KLHDC1: variants seen among roughly 807,000 people sequenced by gnomAD.
KLHDC1 encodes kelch domain-containing protein 1.
A neutral mutation model predicts 68.3 loss-of-function variants in KLHDC1; 53 were observed. The observed-to-expected ratio is 0.78, with a 90% CI of 0.62 to 0.98. The LOEUF is 0.98. Among genes scored for constraint, KLHDC1 ranks in the 50% least tolerant of loss-of-function variants. The pLI, the probability that KLHDC1 is intolerant of heterozygous loss-of-function variation, is 0.00. For missense variants in KLHDC1, 470 were observed against 492.3 expected, an observed-to-expected ratio of 0.95 and a Z score of 0.43; for synonymous variants, 148 against 159.0, an observed-to-expected ratio of 0.93 and a Z score of 0.52.
At chr14:49,713,827 TATATATATATATATATATATATA>T (rs1566602853) in intron 4 of KLHDC1, among the ~76,000 whole-genome samples, 61 of 6,166 alleles carry the variant, frequency 9.9e-3, no homozygotes, top group South Asian at 0.014. Context: ...TATATATATA[TATATATATATATATATATATATA>T]TTTTTTTTTT....
chr14:49,738,804 A>G (rs1300030201), intron 10 of KLHDC1, among the ~76,000 whole-genome samples: 1 of 152,182 alleles, frequency 6.6e-6, no homozygotes, highest in Non-Finnish European at 1.5e-5. Context: ...AGGATGCCCT[A>G]ATTTGTAGCA....
intron 4 of KLHDC1, among the ~76,000 whole-genome samples, chr14:49,716,812 C>A (rs999184537): frequency 6.6e-6 from 1 of 152,158 alleles, no homozygotes; most frequent in African/African-American, 2.4e-5. Flanking sequence ...CCAGTACCTA[C>A]TTCCAAACTT....
chr14:49,736,833 T>C (rs771586782), intron 10 of KLHDC1, among the ~76,000 whole-genome samples: 36 of 152,314 alleles, frequency 2.4e-4, no homozygotes, highest in South Asian at 1.9e-3. Flanking sequence ...CAACTAAAAA[T>C]ATCTCCATAT....
chr14:49,726,081 CAAGTT>C (rs1434221880), intron 6 of KLHDC1, among the ~76,000 whole-genome samples: 3 of 152,192 alleles, frequency 2.0e-5, no homozygotes, highest in Non-Finnish European at 4.4e-5. Flanking sequence ...CTCCTGACCT[CAAGTT>C]ATCTACCCAC....
At chr14:49,704,888 C>T (rs1308818734) in intron 1 of KLHDC1, among the ~76,000 whole-genome samples, 4 of 152,098 alleles carry the variant, frequency 2.6e-5, no homozygotes, top group Non-Finnish European at 4.4e-5. Context: ...GTGTGAGGCA[C>T]TGTAGTAGGC....
At chr14:49,736,930 C>G (rs992454502) in intron 10 of KLHDC1, among the ~76,000 whole-genome samples, 1 of 152,210 alleles carries the variant, frequency 6.6e-6, no homozygotes, top group Non-Finnish European at 1.5e-5. Context: ...CTGAGTCTCA[C>G]CTTAGATAAA....
chr14:49,716,244 G>T (rs1483578331), intron 4 of KLHDC1, among the ~76,000 whole-genome samples: 2 of 152,086 alleles, frequency 1.3e-5, no homozygotes, highest in Non-Finnish European at 2.9e-5. Context: ...TGTTTTTCCA[G>T]GTTAATCTAC....
chr14:49,721,512 A>C (rs1011591587), intron 4 of KLHDC1, among the ~76,000 whole-genome samples: 9 of 152,180 alleles, frequency 5.9e-5, no homozygotes, highest in Non-Finnish European at 1.2e-4. Flanking sequence ...AATTATATTT[A>C]TCTTCAGAAA....
chr14:49,734,753 C>T lies in KLHDC1; in HGVS notation c.896+92C>T, dbSNP rs145780892. 82 of 536,400 alleles carry T rather than the reference C, an allele frequency of 1.5e-4. No homozygotes were observed. The African/African-American group carries it at 1.6e-3, about 10-fold the overall frequency. The allele number at this position is 536,400 out of a possible 1,614,324, so 33.2% of individuals were successfully genotyped here. A position where few individuals can be genotyped will look rare whatever the true frequency, so the allele number is the denominator to read the frequency against. On this transcript the variant is annotated intron_variant, in intron 10 of 12. Coordinates refer to ENST00000359332, the MANE Select transcript of KLHDC1 (RefSeq NM_172193.3). ...AATTTATAGTGTTTGCCATTGAAAC[C>T]ATAAGCCATTGAGAAGGATATCTTT...
chr14:49,742,649 G>A (rs1889091531), intron 11 of KLHDC1, among the ~76,000 whole-genome samples: 1 of 149,570 alleles, frequency 6.7e-6, no homozygotes, highest in South Asian at 2.1e-4. Flanking sequence ...CTCTAGCCTG[G>A]GCAACAGAGC....
chr14:49,751,448 G>C (rs920026480), intron 12 of KLHDC1, 138 bp from the exon 13 acceptor site: 15 of 428,712 alleles, frequency 3.5e-5, no homozygotes, highest in Non-Finnish European at 5.6e-5. Flanking sequence ...ACTATGTACT[G>C]ACAAAAATTA....
At chr14:49,741,974 T>G (rs1274187509) in intron 11 of KLHDC1, among the ~76,000 whole-genome samples, 3 of 152,124 alleles carry the variant, frequency 2.0e-5, no homozygotes, top group African/African-American at 7.2e-5. Context: ...TCCTATGGAG[T>G]GGCAAACTCC....
chr14:49,705,208 G>A lies in KLHDC1; in HGVS notation c.97-3951G>A, dbSNP rs139961622. Among the ~76,000 whole-genome samples, 831 of 152,068 alleles carry A rather than the reference G, an allele frequency of 5.5e-3. 8 individuals carry two copies. The highest frequency in any genetic ancestry group is 0.019 in the African/African-American group (785 of 41,458). On this transcript the variant is annotated intron_variant, in intron 1 of 12. Transcript: ENST00000359332. ...TAGGAGATGTTTAAGTACTGAAGGC[G>A]TACTGTGTGTGAAAGGCAACTTGAA... is the stretch of plus-strand genomic sequence containing the variant.
At chr14:49,708,232 G>GGCTA (rs1424861340) in intron 1 of KLHDC1, 1 of 151,706 alleles carries the variant, frequency 6.6e-6, no homozygotes, top group Non-Finnish European at 1.5e-5. Context: ...CACCATGCCT[G>GGCTA]GCTAGTTTTT....
intron 1 of KLHDC1, among the ~76,000 whole-genome samples, chr14:49,703,424 C>T (rs745364708): frequency 6.6e-6 from 1 of 151,704 alleles, no homozygotes; most frequent in Middle Eastern, 3.2e-3. Flanking sequence ...CTCACTGCAA[C>T]CTCCGCCTCC....
rs546409583 is a variant in KLHDC1 at position 49,731,972 on chromosome 14, C to T, written c.711-732C>T. Among the ~76,000 whole-genome samples the T allele has an allele frequency of 2.6e-5, 4 of 152,030 alleles. No homozygotes were observed. The East Asian group carries it at 7.7e-4, about 29-fold the overall frequency. On this transcript the variant is annotated intron_variant, in intron 8 of 12. Coordinates refer to ENST00000359332, the MANE Select transcript of KLHDC1 (RefSeq NM_172193.3). ...GAGGAAGATAATGTTTTGGGAAATT[C>T]TAGAAGTAGATCAAAGTAAAAAACA...
intron 1 of KLHDC1, among the ~76,000 whole-genome samples, chr14:49,705,035 G>T (rs927691698): frequency 6.6e-6 from 1 of 151,982 alleles, no homozygotes; most frequent in Admixed American, 6.6e-5. Context: ...CTCTAATAGG[G>T]GACCTTAATA....
chr14:49,741,313 A>T (rs8014299), intron 11 of KLHDC1, among the ~76,000 whole-genome samples: 99,988 of 149,142 alleles, frequency 0.67, 33,777 homozygotes, highest in South Asian at 0.89. Context: ...GTATATTATT[A>T]TTTTTTTTTT....
chr14:49,696,438 C>T (rs1004196592), intron 1 of KLHDC1, among the ~76,000 whole-genome samples: 1 of 152,168 alleles, frequency 6.6e-6, no homozygotes, highest in Non-Finnish European at 1.5e-5. Flanking sequence ...ACTTTGGCCT[C>T]CCAAAGTGCT....
Sources: allele counts gnomAD v4.1 joint callset (sites outside exome capture counted in the v4.1 genomes callset), GRCh38; gene constraint gnomAD v4.1.1; transcripts MANE v1.5; gene names NCBI Gene and HGNC (gene_info 2026-07-23, HGNC 2026-07-21).